The following TGM6 variants were observed in gnomAD, a reference collection of about 807,000 sequenced individuals.
TGM6 encodes protein-glutamine gamma-glutamyltransferase 6.
TGM6 carries 74 observed loss-of-function variants against 77.5 expected under a neutral mutation model. That is an observed-to-expected ratio of 0.96 (90% CI 0.79 to 1.16). The LOEUF (loss-of-function observed/expected upper bound fraction) is 1.16. Among genes scored for constraint, TGM6 ranks in the 50% most tolerant of loss-of-function variants. The probability of loss-of-function intolerance (pLI) is 0.00; values close to 1 mark genes in which losing one functional copy is unlikely to be tolerated. For missense variants in TGM6, 968 were observed against 940.2 expected (o/e 1.03, Z -0.39); for synonymous variants, 383 against 378.9 (o/e 1.01, Z -0.12).
At chr20:2,428,461 G>C (rs1241763757) in intron 10 of TGM6, among the ~76,000 whole-genome samples, 1 of 152,158 alleles carries the variant, frequency 6.6e-6, no homozygotes, top group Non-Finnish European at 1.5e-5. Flanking sequence ...GGTTCTTCAT[G>C]CTGGAGACTG....
intron 4 of TGM6, among the ~76,000 whole-genome samples, chr20:2,397,410 G>A (rs144431834): frequency 8.5e-5 from 13 of 152,136 alleles, no homozygotes; most frequent in African/African-American, 2.9e-4. Context: ...TTTGGGATTC[G>A]GGTGCTGGGC....
At chr20:2,427,560 A>G (rs1262903399) in intron 10 of TGM6, among the ~76,000 whole-genome samples, 1 of 151,874 alleles carries the variant, frequency 6.6e-6, no homozygotes, top group African/African-American at 2.4e-5. Flanking sequence ...TCTAATTTTT[A>G]TTATTTCTTT....
At position 2,430,777 on chromosome 20, in the gene TGM6, T is replaced by C. The variant is rs549478472; in HGVS notation, c.1834-117T>C. The C allele has an allele frequency of 7.5e-5, 120 of 1,593,938 alleles. No individual in the cohort carries two copies. The African/African-American group carries it at 1.4e-3, about 18-fold the overall frequency. On this transcript the variant is annotated intron_variant, in intron 11 of 12. Transcript: ENST00000202625. Reference sequence around the variant, plus strand: ...GCAATAGTGGCACTCAGCAATGGGGTATATGGAGGTGGGGGTGGACATGAC... The same window carrying C: ...GCAATAGTGGCACTCAGCAATGGGGCATATGGAGGTGGGGGTGGACATGAC...
At position 2,403,687 on chromosome 20, in the gene TGM6, C is replaced by T; in HGVS notation, c.1200C>T (p.Ile400=). The T allele has an allele frequency of 6.2e-7, 1 of 1,614,220 alleles. No homozygotes were observed. Among genetic ancestry groups the T allele is most frequent in the Non-Finnish European group, 8.5e-7 (1 of 1,180,044 alleles). ...TTGCGGAGGTCAACGCCGACTACAT[C>T]ACCTGGCTGTGGCACGAGGATGAGA... is the stretch of plus-strand genomic sequence containing the variant. The part of the protein sequence containing the change: ...FVFAEVNADY[I]TWLWHEDESR... The change falls in exon 9 of 13, where the codon ATC becomes ATT. Residue 400 remains isoleucine (I), a synonymous_variant. Transcript: ENST00000202625.
chr20:2,415,836 T>C (rs2084812726), intron 9 of TGM6, among the ~76,000 whole-genome samples: 1 of 152,026 alleles, frequency 6.6e-6, no homozygotes, highest in South Asian at 2.1e-4. Context: ...GTCCAGTTCT[T>C]TGTATTGTTC....
intron 1 of TGM6, among the ~76,000 whole-genome samples, chr20:2,392,316 A>C (rs1472661072): frequency 6.6e-6 from 1 of 152,194 alleles, no homozygotes; most frequent in Non-Finnish European, 1.5e-5. Context: ...GGAGACACTC[A>C]TCCAATTTAA....
In TGM6 at chr20:2,383,437, G is replaced by A. The variant is rs907281870; in HGVS notation, c.7+2462G>A. On this transcript the variant is annotated intron_variant, in intron 1 of 12. Transcript: ENST00000202625. ...GCACATGGACCCTTCCCTTTCTTAGGTGGAGCTCTGGGGCCAGCTGGTGAG... is the reference window on the plus strand; with the variant it reads ...GCACATGGACCCTTCCCTTTCTTAGATGGAGCTCTGGGGCCAGCTGGTGAG... 6.4e-4 allele frequency among the ~76,000 whole-genome samples: 97 copies of A among 152,196 alleles called. 1 individual carries two copies. The highest frequency in any genetic ancestry group is 2.2e-3 in the African/African-American group (91 of 41,442).
chr20:2,393,741 G>A (rs1383617434), intron 1 of TGM6, among the ~76,000 whole-genome samples: 1 of 151,980 alleles, frequency 6.6e-6, no homozygotes, highest in Non-Finnish European at 1.5e-5. Flanking sequence ...GCCCCAGGGT[G>A]GTCTCGAGCT....
At chr20:2,427,061 T>C (rs1421484545) in intron 10 of TGM6, among the ~76,000 whole-genome samples, 1 of 150,280 alleles carries the variant, frequency 6.7e-6, no homozygotes, top group Non-Finnish European at 1.5e-5. Context: ...GAAGAGATTG[T>C]AGAGAATTGC....
At chr20:2,408,528 C>T (rs1356358546) in intron 9 of TGM6, among the ~76,000 whole-genome samples, 1 of 152,158 alleles carries the variant, frequency 6.6e-6, no homozygotes, top group South Asian at 2.1e-4. Context: ...TGTTCATTGC[C>T]GTATCCCCAA....
rs2084656640 is a variant in TGM6, at chr20:2,395,281, A to G, written c.269A>G (p.Glu90Gly). The G allele has an allele frequency of 6.2e-7, 1 of 1,614,150 alleles. No individual in the cohort carries two copies. ...ERGEGWTAAR[E>G]AQMEKTLTVS... is the part of the protein sequence containing the mutation. ...GGTGAGGGCTGGACAGCAGCAAGGG[A>G]GGCTCAGATGGAGAAAACTCTGACC... is the stretch of plus-strand genomic sequence containing the variant. The change falls in exon 3 of 13, where the codon GAG becomes GGG. Residue 90 changes from glutamate to glycine, a missense_variant. By Grantham distance (98) the Glu-to-Gly change is moderately conservative. Coordinates refer to ENST00000202625, the MANE Select transcript of TGM6 (RefSeq NM_198994.3).
intron 10 of TGM6, among the ~76,000 whole-genome samples, chr20:2,418,534 C>T (rs2103758): frequency 0.17 from 26,531 of 152,050 alleles, 2,413 homozygotes; most frequent in East Asian, 0.25. Context: ...CTGACCAAGA[C>T]CAGGAAGGGG....
intron 9 of TGM6, among the ~76,000 whole-genome samples, chr20:2,412,322 CA>C (rs2122396261): frequency 6.6e-6 from 1 of 152,180 alleles, no homozygotes; most frequent in South Asian, 2.1e-4. Flanking sequence ...TGGTGGTTGT[CA>C]GGGGCTAAGA....
intron 10 of TGM6, among the ~76,000 whole-genome samples, chr20:2,420,538 C>T (rs150051868): frequency 7.2e-4 from 109 of 152,322 alleles, no homozygotes; most frequent in Non-Finnish European, 1.3e-3. Context: ...CATTCTATGG[C>T]TTTTGACAAA....
At position 2,384,845 on chromosome 20, in the gene TGM6, C is replaced by T. The variant is rs150566354; in HGVS notation, c.7+3870C>T. ...AGGGAGCACTCTTACCACATCCTTT[C>T]CCTGTGCCTGGGGGGTACAGCCTCA... On this transcript the variant is annotated intron_variant, in intron 1 of 12. Transcript: ENST00000202625. Among the ~76,000 whole-genome samples the T allele has an allele frequency of 3.1e-3, 470 of 152,242 alleles. 2 individuals are homozygous for T. The highest frequency in any genetic ancestry group is 5.2e-3 in the Non-Finnish European group (351 of 68,000).
intron 10 of TGM6, among the ~76,000 whole-genome samples, chr20:2,428,862 C>T (rs775193817): frequency 2.0e-5 from 3 of 152,142 alleles, no homozygotes; most frequent in African/African-American, 4.8e-5. Flanking sequence ...CTCTCTCTGT[C>T]GCTCAGGCTG....
At chr20:2,400,095 T>C (rs2084695855) in intron 6 of TGM6, among the ~76,000 whole-genome samples, 1 of 152,180 alleles carries the variant, frequency 6.6e-6, no homozygotes, top group Non-Finnish European at 1.5e-5. Flanking sequence ...CAGCATATCC[T>C]GAAGTCCTTG....
At chr20:2,423,598 G>A (rs1208079116) in intron 10 of TGM6, among the ~76,000 whole-genome samples, 1 of 152,054 alleles carries the variant, frequency 6.6e-6, no homozygotes, top group Non-Finnish European at 1.5e-5. Flanking sequence ...AATCTTGAAT[G>A]CCTCAAAGTC....
intron 10 of TGM6, among the ~76,000 whole-genome samples, chr20:2,425,087 C>G (rs1432931465): frequency 6.6e-6 from 1 of 152,224 alleles, no homozygotes; most frequent in South Asian, 2.1e-4. Flanking sequence ...TAATCCCAAT[C>G]CCATTCACTT....
Sources: gnomAD v4.1 joint callset for allele counts (sites outside exome capture counted in the v4.1 genomes callset) on GRCh38, gnomAD v4.1.1 for gene constraint, MANE v1.5 for transcripts, NCBI Gene and HGNC (gene_info 2026-07-23, HGNC 2026-07-21) for gene names.